Variants in POLI observed in about 807,000 individuals in gnomAD.
POLI encodes RAD30 homolog B.
Under a neutral mutation model 51.6 loss-of-function variants are expected in POLI, and 58 were observed. That is an observed-to-expected ratio of 1.12 (90% CI 0.91 to 1.40). The LOEUF (loss-of-function observed/expected upper bound fraction) is 1.40. Among genes scored for constraint, POLI ranks in the 40% most tolerant of loss-of-function variants. The probability of loss-of-function intolerance (pLI) is 0.00; values close to 1 mark genes in which losing one functional copy is unlikely to be tolerated. For missense variants in POLI, 921 were observed against 871.3 expected (o/e 1.06, Z -0.72); for synonymous variants, 322 against 299.7 (o/e 1.07, Z -0.77).
intron 6 of POLI, 25 bp downstream of exon 6, chr18:54,283,040 T>G: frequency 7.1e-7 from 1 of 1,411,582 alleles, no homozygotes; most frequent in Non-Finnish European, 9.9e-7. Context: ...TTATTTTAAT[T>G]AAGTACTGGT....
chr18:54,289,899 A>G (rs1418173926), intron 8 of POLI, among the ~76,000 whole-genome samples: 3 of 152,220 alleles, frequency 2.0e-5, no homozygotes, highest in Non-Finnish European at 4.4e-5. Flanking sequence ...AGGCAATAGC[A>G]TTTAGTACAT....
chr18:54,314,565 A>T (rs958311975), intron 3 of POLI, among the ~76,000 whole-genome samples: 1 of 151,936 alleles, frequency 6.6e-6, no homozygotes, highest in Non-Finnish European at 1.5e-5. Context: ...GCTCTTCTTT[A>T]TATGTCTTAT....
chr18:54,302,700 A>G (rs565120650), downstream of POLI, among the ~76,000 whole-genome samples: 1 of 152,166 alleles, frequency 6.6e-6, no homozygotes, highest in South Asian at 2.1e-4. Context: ...TTGTGCTATC[A>G]AATACTAGGT....
intron 3 of POLI, among the ~76,000 whole-genome samples, chr18:54,307,156 T>C (rs997756199): frequency 5.9e-5 from 9 of 152,192 alleles, no homozygotes; most frequent in African/African-American, 2.2e-4. Flanking sequence ...TGCTCTTGCT[T>C]CTCTAGTTCT....
At chr18:54,300,522 C>G (rs915244990), downstream of POLI, among the ~76,000 whole-genome samples, 12 of 151,754 alleles carry the variant, frequency 7.9e-5, no homozygotes, top group Admixed American at 7.9e-4. Flanking sequence ...CCACAAAATT[C>G]AATCCCCAAA....
At chr18:54,298,918 A>G (rs538447497), downstream of POLI, among the ~76,000 whole-genome samples, 1 of 152,052 alleles carries the variant, frequency 6.6e-6, no homozygotes, top group Non-Finnish European at 1.5e-5. Flanking sequence ...AAGTTTTGAG[A>G]TGTATTATGG....
At chr18:54,290,027 C>T (rs1258964906) in intron 8 of POLI, among the ~76,000 whole-genome samples, 1 of 152,168 alleles carries the variant, frequency 6.6e-6, no homozygotes, top group African/African-American at 2.4e-5. Context: ...AAACTATCAG[C>T]AGAGTGAACA....
At chr18:54,304,860 G>A (rs1171144783) in intron 3 of POLI, among the ~76,000 whole-genome samples, 1 of 152,190 alleles carries the variant, frequency 6.6e-6, no homozygotes, top group South Asian at 2.1e-4. Context: ...GAATGATATT[G>A]CCTAGGTTTT....
Position 54,294,368 on chromosome 18 carries a change from T to C in POLI, c.2124T>C (p.Ile708=), listed in dbSNP as rs1346457424. The change falls in exon 10 of 10, where the codon ATT becomes ATC. Residue 708 remains isoleucine (I), a synonymous_variant. Transcript: ENST00000579534. The part of the protein sequence containing the change: ...VDEKITFPSD[I]DPQVFYELPE... The stretch of plus-strand genomic sequence containing the variant: ...AGAAAATTACTTTCCCTTCTGACAT[T>C]GATCCTCAAGTTTTCTATGAACTAC... 1 of 1,613,638 alleles carries C rather than the reference T, an allele frequency of 6.2e-7. No homozygotes were observed. Among genetic ancestry groups the C allele is most frequent in the South Asian group, 1.1e-5 (1 of 91,060 alleles).
At chr18:54,317,834 A>G (rs543731911) in intron 3 of POLI, among the ~76,000 whole-genome samples, 1 of 152,266 alleles carries the variant, frequency 6.6e-6, no homozygotes, top group East Asian at 1.9e-4. Flanking sequence ...CACTGCACTC[A>G]AGCCTGGGCG....
downstream of POLI, among the ~76,000 whole-genome samples, chr18:54,302,209 C>CTGTCTGTCTGGCTGGCTG (rs1346096033): frequency 1.3e-5 from 2 of 151,922 alleles, no homozygotes; most frequent in South Asian, 2.1e-4. Flanking sequence ...TTATGAATGT[C>CTGTCTGTCTGGCTGGCTG]TGTCTGTCTG....
chr18:54,309,656 C>G (rs2088640953), intron 3 of POLI, among the ~76,000 whole-genome samples: 1 of 152,202 alleles, frequency 6.6e-6, no homozygotes. Flanking sequence ...TTTCTGCTGC[C>G]TTTAGTTCAG....
chr18:54,289,971 G>A (rs889849157), intron 8 of POLI, among the ~76,000 whole-genome samples: 14 of 152,146 alleles, frequency 9.2e-5, no homozygotes, highest in Non-Finnish European at 1.8e-4. Flanking sequence ...AGCCAAAATT[G>A]ACAGATGGGA....
In POLI at chr18:54,269,572, A is replaced by G. The variant is rs768665084; in HGVS notation, c.26A>G (p.Glu9Gly). ...ATGGAGAAGCTGGGGGTGGAGCCGG[A>G]GGAGGAAGGCGGCGGCGACGACGAC... MEKLGVEPEEEGGGDDDEE... is the reference protein window; with the variant it reads MEKLGVEPGEEGGGDDDEE... Residue 9 changes from glutamate (E) to glycine (G), a missense_variant, in exon 1 of 10, where the codon GAG becomes GGG. Physicochemically the swap from Glu to Gly is moderately conservative, Grantham distance 98. Transcript: ENST00000579534. 4 of 1,460,464 alleles carry G rather than the reference A, an allele frequency of 2.7e-6. No homozygotes were observed. Among genetic ancestry groups the G allele is most frequent in the East Asian group, 2.8e-5 (1 of 35,370 alleles). The allele number at this position is 1,460,464 out of a possible 1,614,324, so 90.5% of individuals were successfully genotyped here. A position where few individuals can be genotyped will look rare whatever the true frequency, so the allele number is the denominator to read the frequency against.
At position 54,280,892 on chromosome 18, in the gene POLI, A is replaced by G; in HGVS notation, c.785A>G (p.Lys262Arg). ...CTTATTCATAGTTTGAATCACATAA[A>G]GGAAATACCTGGTAAGACAAATATA... is the stretch of plus-strand genomic sequence containing the variant. ...QHLIHSLNHI[K>R]EIPGIGYKTA... Residue 262 changes from lysine to arginine, a missense_variant, in exon 5 of 10, where the codon AAG (lysine) becomes AGG (arginine). Physicochemically the swap from Lys to Arg is conservative, Grantham distance 26 (BLOSUM62 2). Coordinates refer to ENST00000579534, the MANE Select transcript of POLI (RefSeq NM_007195.3). 1 of 1,541,680 alleles carries G rather than the reference A, an allele frequency of 6.5e-7. No homozygotes were observed. Among genetic ancestry groups the G allele is most frequent in the Non-Finnish European group, 9.0e-7 (1 of 1,114,204 alleles).
At chr18:54,288,640 T>C (rs1467078956) in intron 8 of POLI, among the ~76,000 whole-genome samples, 1 of 152,030 alleles carries the variant, frequency 6.6e-6, no homozygotes, top group Non-Finnish European at 1.5e-5. Context: ...CTGTAGTCTT[T>C]TTTTTTTTCC....
chr18:54,287,700 C>T (rs591915), intron 8 of POLI: 53,337 of 214,848 alleles, frequency 0.25, 7,115 homozygotes, highest in Non-Finnish European at 0.28. Flanking sequence ...CTGCCCCAGC[C>T]TCCCGAGTAG....
At chr18:54,307,907 G>GA (rs1555678662) in intron 3 of POLI, among the ~76,000 whole-genome samples, 1 of 145,140 alleles carries the variant, frequency 6.9e-6, no homozygotes, top group East Asian at 2.0e-4. Context: ...TTCAACCCCT[G>GA]TTTTTTTTTT....
At chr18:54,276,564 C>G (rs950220741) in intron 3 of POLI, among the ~76,000 whole-genome samples, 1 of 152,158 alleles carries the variant, frequency 6.6e-6, no homozygotes, top group African/African-American at 2.4e-5. Flanking sequence ...CTACATGTTA[C>G]TTTGCATATC....
Sources: gnomAD v4.1 joint callset for allele counts (sites outside exome capture counted in the v4.1 genomes callset) on GRCh38, gnomAD v4.1.1 for gene constraint, MANE v1.5 for transcripts, NCBI Gene and HGNC (gene_info 2026-07-23, HGNC 2026-07-21) for gene names.